Variants in PGM2 observed in about 807,000 individuals in gnomAD.
PGM2 encodes phosphoglucomutase 2.
PGM2 carries 57 observed loss-of-function variants against 74.6 expected under a neutral mutation model. The observed-to-expected ratio is 0.76, with a 90% CI of 0.62 to 0.95. PGM2 has a LOEUF of 0.95. Ranked by LOEUF, PGM2 falls within the 40% of genes least tolerant of loss-of-function variation. The pLI, the probability that PGM2 is intolerant of heterozygous loss-of-function variation, is 0.00. For missense variants in PGM2, 706 were observed against 741.9 expected, an observed-to-expected ratio of 0.95 and a Z score of 0.56; for synonymous variants, 273 against 260.7, an observed-to-expected ratio of 1.05 and a Z score of -0.46.
At chr4:37,850,451 TAC>T in intron 12 of PGM2, 78 bp downstream of exon 12, 1 of 883,208 alleles carries the variant, frequency 1.1e-6, no homozygotes, top group East Asian at 3.1e-5. Context: ...TATTTAACCA[TAC>T]AATTAATTGA....
chr4:37,853,291 C>A (rs777806077), intron 12 of PGM2, among the ~76,000 whole-genome samples: 9 of 151,622 alleles, frequency 5.9e-5, no homozygotes, highest in Non-Finnish European at 1.0e-4. Context: ...GTGTGTGCCG[C>A]CATGCCCAGC....
At chr4:37,841,190 T>TGTGTGTGTGTGTGTGTGTGTGTG (rs1491511171) in intron 6 of PGM2, among the ~76,000 whole-genome samples, 4 of 83,416 alleles carry the variant, frequency 4.8e-5, no homozygotes, top group East Asian at 3.6e-4. Context: ...GTGTGTGTGG[T>TGTGTGTGTGTGTGTGTGTGTGTG]TTGTTCTGTG....
At chr4:37,828,014 A>T (rs1445844411) in intron 1 of PGM2, among the ~76,000 whole-genome samples, 2 of 152,210 alleles carry the variant, frequency 1.3e-5, no homozygotes, top group Admixed American at 1.3e-4. Flanking sequence ...GAATGAACAA[A>T]GAAGATTACA....
chr4:37,841,704 C>T (rs958118847), intron 6 of PGM2, among the ~76,000 whole-genome samples: 15 of 152,176 alleles, frequency 9.9e-5, no homozygotes, highest in African/African-American at 3.1e-4. Context: ...AGACAAAATA[C>T]GTCTGTGAAC....
intron 6 of PGM2, among the ~76,000 whole-genome samples, chr4:37,842,216 AT>A (rs1393971184): frequency 6.7e-6 from 1 of 149,044 alleles, no homozygotes; most frequent in Non-Finnish European, 1.5e-5. Context: ...TATAAAATAT[AT>A]TTTTTAGATG....
intron 2 of PGM2, among the ~76,000 whole-genome samples, chr4:37,834,396 A>G (rs1725511087): frequency 6.6e-6 from 1 of 152,170 alleles, no homozygotes; most frequent in African/African-American, 2.4e-5. Flanking sequence ...ACAGCTACTA[A>G]GTGATCAATG....
intron 6 of PGM2, among the ~76,000 whole-genome samples, chr4:37,841,744 C>T (rs191486405): frequency 1.1e-4 from 16 of 152,322 alleles, no homozygotes; most frequent in Admixed American, 4.6e-4. Flanking sequence ...TTTAACTTCA[C>T]GAAGAATGAG....
At chr4:37,854,692 A>AT (rs891641237) in intron 12 of PGM2, among the ~76,000 whole-genome samples, 2 of 151,260 alleles carry the variant, frequency 1.3e-5, no homozygotes, top group African/African-American at 4.8e-5. Context: ...AACAAAAAAA[A>AT]CTCCTTATGG....
intron 4 of PGM2, among the ~76,000 whole-genome samples, chr4:37,839,263 C>T (rs901390867): frequency 2.6e-5 from 4 of 151,782 alleles, no homozygotes; most frequent in South Asian, 2.1e-4. Flanking sequence ...AGATTACAGG[C>T]GCCCATGCCT....
rs1711781386 is a variant in PGM2 at position 37,861,706 on chromosome 4, A to T, written c.*94A>T. ...TTTTAAGGGCCAAATGATTCAAAAC[A>T]TCACAGGTATTTATGTGTTTTACAA... On this transcript the variant is annotated 3_prime_UTR_variant, in exon 14 of 14. Coordinates refer to ENST00000381967, the MANE Select transcript of PGM2 (RefSeq NM_018290.4). The T allele has an allele frequency of 6.7e-6, 5 of 750,876 alleles. No homozygotes were observed. In the African/African-American group the frequency reaches 6.8e-5, roughly 10 times the overall value. The allele number at this position is 750,876 out of a possible 1,614,324, so 46.5% of individuals were successfully genotyped here. A position where few individuals can be genotyped will look rare whatever the true frequency, so the allele number is the denominator to read the frequency against.
intron 1 of PGM2, among the ~76,000 whole-genome samples, chr4:37,828,348 CTTT>C (rs1232898538): frequency 6.9e-6 from 1 of 144,594 alleles, no homozygotes. Context: ...ATGAGATGTC[CTTT>C]TTTTTTTTTA....
At position 37,832,789 on chromosome 4, in the gene PGM2, A is replaced by G. The variant is rs142474444; in HGVS notation, c.250-1829A>G. Among the ~76,000 whole-genome samples the G allele has an allele frequency of 1.5e-3, 226 of 152,318 alleles. 2 individuals carry two copies. The highest frequency in any genetic ancestry group is 4.9e-3 in the African/African-American group (203 of 41,572). ...CAAAATCTGCCTTTCTGTAGACTTT[A>G]CATATTGGTCTTAGTTCTACTTTTT... is the stretch of plus-strand genomic sequence containing the variant. On this transcript the variant is annotated intron_variant, in intron 2 of 13. Coordinates refer to ENST00000381967, the MANE Select transcript of PGM2 (RefSeq NM_018290.4).
At chr4:37,830,919 C>T (rs6856597) in intron 2 of PGM2, among the ~76,000 whole-genome samples, 11 of 152,146 alleles carry the variant, frequency 7.2e-5, no homozygotes, top group African/African-American at 2.4e-4. Flanking sequence ...AGGGGCCAGG[C>T]GCGATGGCTC....
intron 1 of PGM2, 144 bp downstream of exon 1, chr4:37,826,957 G>A: frequency 3.4e-6 from 2 of 582,728 alleles, no homozygotes; most frequent in South Asian, 2.1e-5. Flanking sequence ...GGAGCGTACG[G>A]CCGCTGCTAG....
chr4:37,827,100 G>A (rs527699016), intron 1 of PGM2, among the ~76,000 whole-genome samples: 17 of 152,374 alleles, frequency 1.1e-4, no homozygotes, highest in African/African-American at 3.6e-4. Context: ...TGGTGTAAGC[G>A]CGGCCAGACC....
At chr4:37,848,482 C>T in intron 10 of PGM2, 40 bp from the exon 11 acceptor site, 4 of 1,566,448 alleles carry the variant, frequency 2.6e-6, no homozygotes, top group Non-Finnish European at 3.5e-6. Flanking sequence ...TGGTTTGACA[C>T]AGTATTGTAT....
chr4:37,847,222 G>A lies in PGM2; in HGVS notation c.1209G>A (p.Lys403=), dbSNP rs773567034. The A allele has an allele frequency of 4.3e-6, 7 of 1,613,862 alleles. No homozygotes were observed. The East Asian group carries it at 1.3e-4, about 31-fold the overall frequency. Residue 403 remains lysine, a synonymous_variant, in exon 10 of 14, where the codon AAG becomes AAA. Coordinates refer to ENST00000381967, the MANE Select transcript of PGM2 (RefSeq NM_018290.4). ...FHFEETLTGF[K]WMGNRAKQLI... is the part of the protein sequence containing the mutation. Reference sequence around the variant, plus strand: ...TTTAGGAAACATTAACTGGCTTTAAGTGGATGGGAAACAGAGCCAAACAGC... The same window carrying A: ...TTTAGGAAACATTAACTGGCTTTAAATGGATGGGAAACAGAGCCAAACAGC...
chr4:37,856,674 C>T (rs1726209462), intron 13 of PGM2, among the ~76,000 whole-genome samples: 1 of 152,116 alleles, frequency 6.6e-6, no homozygotes, highest in Non-Finnish European at 1.5e-5. Flanking sequence ...CATGCCTATC[C>T]AACATGCCGT....
chr4:37,834,753 T>A, intron 3 of PGM2, 29 bp downstream of exon 3: 1 of 1,082,668 alleles, frequency 9.2e-7, no homozygotes, highest in Middle Eastern at 2.0e-4. Flanking sequence ...AAAATGATGT[T>A]TTTATAATTT....
Sources: gnomAD v4.1 joint callset for allele counts (sites outside exome capture counted in the v4.1 genomes callset) on GRCh38, gnomAD v4.1.1 for gene constraint, MANE v1.5 for transcripts, NCBI Gene and HGNC (gene_info 2026-07-23, HGNC 2026-07-21) for gene names.